The following PCDHGB6 variants were observed in gnomAD, a reference collection of about 807,000 sequenced individuals.
PCDHGB6 encodes the protein protocadherin gamma subfamily B, 6, also known as protocadherin gamma-B6.
A neutral mutation model predicts 59.1 loss-of-function variants in PCDHGB6; 51 were observed. The ratio of observed to expected loss-of-function variants is 0.86; its 90% CI spans 0.69 to 1.09. PCDHGB6 has a LOEUF of 1.09. Ranked by LOEUF, PCDHGB6 falls within the 50% of genes least tolerant of loss-of-function variation. The probability of loss-of-function intolerance (pLI) is 0.00; values close to 1 mark genes in which losing one functional copy is unlikely to be tolerated. For missense variants in PCDHGB6, 1,148 were observed against 1,205.1 expected (o/e 0.95, Z 0.70); for synonymous variants, 466 against 495.1 (o/e 0.94, Z 0.78).
intron 1 of PCDHGB6, among the ~76,000 whole-genome samples, chr5:141,449,673 G>A (rs7725811): frequency 0.049 from 7,346 of 150,528 alleles, 281 homozygotes; most frequent in African/African-American, 0.1. Flanking sequence ...AAGTGTGTAT[G>A]TATATATGTT....
At chr5:141,444,205 CTT>C in intron 1 of PCDHGB6, among the ~76,000 whole-genome samples, 1 of 77,932 alleles carries the variant, frequency 1.3e-5, no homozygotes. Context: ...GAGTTTCACT[CTT>C]GTTGCCCAGG....
Position 141,489,138 on chromosome 5 carries a change from T to C in PCDHGB6, c.2419-5669T>C. 1.4e-6 allele frequency: 1 copy of C among 738,808 alleles called. No homozygotes were observed. The highest frequency in any genetic ancestry group is 3.0e-5 in the Admixed American group (1 of 33,014). The allele number at this position is 738,808 out of a possible 1,614,324, so 45.8% of individuals were successfully genotyped here. On this transcript the variant is annotated intron_variant, in intron 1 of 3. Transcript: ENST00000520790. This position sits in a 1 kb window ranked among gnomAD's most constrained non-coding sequence, Gnocchi z 4.5. ...AACCTCCGAGCAGTTTTTAAGAGGC[T>C]GGAAGGAGACATAAGAGACTTCAGC...
intron 1 of PCDHGB6, among the ~76,000 whole-genome samples, chr5:141,430,213 A>G (rs892801149): frequency 6.6e-6 from 1 of 151,106 alleles, no homozygotes; most frequent in Non-Finnish European, 1.5e-5. Context: ...AAATTATTAT[A>G]TTATATGATT....
intron 1 of PCDHGB6, chr5:141,421,172 G>T: frequency 7.3e-7 from 1 of 1,366,164 alleles, no homozygotes. Flanking sequence ...AGATACATAA[G>T]CCGATTCACA....
At chr5:141,419,239 C>A in intron 1 of PCDHGB6, 3 of 1,614,008 alleles carry the variant, frequency 1.9e-6, no homozygotes, top group Non-Finnish European at 2.5e-6. Flanking sequence ...ACCTGGTCCA[C>A]GTGCCAGAAA....
chr5:141,415,126 C>T, intron 1 of PCDHGB6: 1 of 1,613,688 alleles, frequency 6.2e-7, no homozygotes, highest in Non-Finnish European at 8.5e-7. Context: ...AGTGGCCGTC[C>T]AGGACCACGG....
chr5:141,445,584 G>A lies in PCDHGB6; in HGVS notation c.2418+34964G>A, dbSNP rs540956709. ...AGAAAGCTTATAGTAGGGAAGCTTC[G>A]CCTAATCTGAAGGTCAAGGAAGGCT... On this transcript the variant is annotated intron_variant, in intron 1 of 3. Transcript: ENST00000520790. Among the ~76,000 whole-genome samples, 116 of 152,286 alleles carry A rather than the reference G, an allele frequency of 7.6e-4. 2 individuals are homozygous for A. Among genetic ancestry groups the A allele is most frequent in the Non-Finnish European group, 2.4e-4 (16 of 68,024 alleles).
chr5:141,485,805 T>C lies in PCDHGB6; in HGVS notation c.2419-9002T>C, dbSNP rs753916789. ...GAGAAGCAATCGGACTACCGCCTGG[T>C]GCTGACTGCTGTCGATGGAGGGAAC... On this transcript the variant is annotated intron_variant, in intron 1 of 3. Coordinates refer to ENST00000520790, the MANE Select transcript of PCDHGB6 (RefSeq NM_018926.3). The surrounding 1 kb of genome is among the most constrained non-coding windows in gnomAD (Gnocchi z 5.7). 1.2e-6 allele frequency: 2 copies of C among 1,614,198 alleles called. No individual in the cohort carries two copies. The highest frequency in any genetic ancestry group is 1.7e-6 in the Non-Finnish European group (2 of 1,180,026).
At chr5:141,505,583 T>C (rs2099846941) in intron 3 of PCDHGB6, 102 bp downstream of exon 3, 3 of 1,583,532 alleles carry the variant, frequency 1.9e-6, no homozygotes, top group Non-Finnish European at 2.6e-6. Flanking sequence ...ACCTGTGTAG[T>C]TTCTCCAGAT....
At chr5:141,497,568 C>G (rs1012946741) in intron 2 of PCDHGB6, among the ~76,000 whole-genome samples, 2 of 140,602 alleles carry the variant, frequency 1.4e-5, no homozygotes, top group African/African-American at 5.4e-5. Flanking sequence ...TAGACAGAGT[C>G]TTGCTCTGTT....
chr5:141,418,111 A>G (rs763834283), intron 1 of PCDHGB6: 19 of 1,613,940 alleles, frequency 1.2e-5, no homozygotes, highest in Non-Finnish European at 1.5e-5. Context: ...GCGGGGACTT[A>G]CTTGTGAAGG....
chr5:141,480,599 C>A (rs1202373543), intron 1 of PCDHGB6, among the ~76,000 whole-genome samples: 1 of 141,438 alleles, frequency 7.1e-6, no homozygotes, highest in East Asian at 1.9e-4. Flanking sequence ...TCTGGTCAGC[C>A]TGGAAAGCAA....
At chr5:141,423,095 A>G (rs2096708889) in intron 1 of PCDHGB6, 3 of 1,613,978 alleles carry the variant, frequency 1.9e-6, no homozygotes, top group Non-Finnish European at 2.5e-6. Flanking sequence ...GTGGGGGAGC[A>G]CACGGGCGAG....
At chr5:141,444,115 AG>A (rs1206374963) in intron 1 of PCDHGB6, among the ~76,000 whole-genome samples, 3 of 147,326 alleles carry the variant, frequency 2.0e-5, no homozygotes, top group Admixed American at 2.0e-4. Context: ...AGAAAAGTGA[AG>A]TATCTCAACA....
intron 1 of PCDHGB6, among the ~76,000 whole-genome samples, chr5:141,483,658 G>C (rs906346163): frequency 1.4e-4 from 22 of 152,028 alleles, no homozygotes; most frequent in Non-Finnish European, 2.4e-4. Context: ...TTGTGTGTGT[G>C]TGTGTGTGTG....
chr5:141,491,232 G>C lies in PCDHGB6; in HGVS notation c.2419-3575G>C. The C allele has an allele frequency of 6.2e-7, 1 of 1,614,220 alleles. No individual in the cohort carries two copies. Among genetic ancestry groups the C allele is most frequent in the Non-Finnish European group, 8.5e-7 (1 of 1,180,034 alleles). On this transcript the variant is annotated intron_variant, in intron 1 of 3. Coordinates refer to ENST00000520790, the MANE Select transcript of PCDHGB6 (RefSeq NM_018926.3). The surrounding 1 kb of genome is among the most constrained non-coding windows in gnomAD (Gnocchi z 6.9). ...TCTCCTCCACAGCCACAGTGCTGCT[G>C]GTTCTGGAGGATGAGGACCCTGAGG... is the stretch of plus-strand genomic sequence containing the variant.
At chr5:141,419,739 G>A (rs200899065) in intron 1 of PCDHGB6, 179 of 1,613,652 alleles carry the variant, frequency 1.1e-4, no homozygotes, top group Admixed American at 2.5e-4. Context: ...GGCGAGGTGC[G>A]CATGGTGCGT....
intron 1 of PCDHGB6, chr5:141,422,315 C>T: frequency 6.5e-7 from 1 of 1,547,896 alleles, no homozygotes; most frequent in Non-Finnish European, 8.7e-7. Flanking sequence ...AACTCTCCTC[C>T]AGGTACAGTG....
intron 1 of PCDHGB6, chr5:141,484,889 T>C (rs2099602721): frequency 2.8e-6 from 1 of 363,070 alleles, no homozygotes. Flanking sequence ...GTGGGCTTTT[T>C]CCCCTCCAAT....
Sources: gnomAD v4.1 joint callset for allele counts (sites outside exome capture counted in the v4.1 genomes callset) on GRCh38, gnomAD v4.1.1 for gene constraint, Gnocchi (gnomAD v3.1) non-coding constraint, MANE v1.5 for transcripts, NCBI Gene and HGNC (gene_info 2026-07-23, HGNC 2026-07-21) for gene names.